The following PDE1C variants were observed in gnomAD, a reference collection of about 807,000 sequenced individuals.
The protein encoded by PDE1C is dual specificity calcium/calmodulin-dependent 3',5'-cyclic nucleotide phosphodiesterase 1C.
A neutral mutation model predicts 93.1 loss-of-function variants in PDE1C; 62 were observed. The observed-to-expected ratio is 0.67, with a 90% CI of 0.54 to 0.82. The LOEUF (loss-of-function observed/expected upper bound fraction) is 0.82, where lower values mean the gene tolerates loss of function less well. PDE1C is among the 40% of genes least tolerant of loss of function. PDE1C has a pLI of 0.00. For missense variants in PDE1C, 742 were observed against 884.6 expected (o/e 0.84, Z 2.04); for synonymous variants, 325 against 310.1 (o/e 1.05, Z -0.50).
chr7:31,860,429 C>T (rs563204115), intron 7 of PDE1C, among the ~76,000 whole-genome samples: 97 of 152,286 alleles, frequency 6.4e-4, no homozygotes, highest in African/African-American at 2.3e-3. Flanking sequence ...ACACTTTCAA[C>T]ATTTTTACCC....
intron 17 of PDE1C, among the ~76,000 whole-genome samples, chr7:31,764,185 C>G (rs1029210206): frequency 6.6e-6 from 1 of 152,144 alleles, no homozygotes; most frequent in African/African-American, 2.4e-5. Flanking sequence ...GAGTCTTGAT[C>G]TGTTGCCCAA....
intron 17 of PDE1C, among the ~76,000 whole-genome samples, chr7:31,754,428 C>T (rs1019098576): frequency 6.6e-6 from 1 of 152,190 alleles, no homozygotes; most frequent in Non-Finnish European, 1.5e-5. Flanking sequence ...CATAAAAACC[C>T]ACACATGAAT....
rs1229029311 is a variant in PDE1C at position 31,850,709 on chromosome 7, T to G, written c.783A>C (p.Ile261=). ...NWLTELEIFA[I]IFSAAIHDYE... ...AGTCATGGATGGCAGCTGAGAAGAT[T>G]ATAGCAAAGATCTCCAGCTCCGTCA... Residue 261 remains isoleucine (I), a synonymous_variant, in exon 8 of 18, where the codon ATA becomes ATC. Coordinates refer to ENST00000396191, the MANE Select transcript of PDE1C (RefSeq NM_001191057.4). 6.2e-7 allele frequency: 1 copy of G among 1,613,324 alleles called. No individual in the cohort carries two copies. The highest frequency in any genetic ancestry group is 1.3e-5 in the African/African-American group (1 of 74,966).
upstream of PDE1C, among the ~76,000 whole-genome samples, chr7:32,074,780 G>C (rs1207427969): frequency 1.3e-5 from 2 of 152,214 alleles, no homozygotes; most frequent in Admixed American, 6.5e-5. Flanking sequence ...ATTCCAGAGA[G>C]AGGGCACTGC....
At chr7:31,714,943 T>C in the PDE1C span, among the ~76,000 whole-genome samples, 2 of 152,098 alleles carry the variant, frequency 1.3e-5, no homozygotes, top group Admixed American at 1.3e-4. Flanking sequence ...AGCTTCACTA[T>C]AAGAGGTATG....
chr7:31,984,903 G>C (rs188722165), intron 2 of PDE1C, among the ~76,000 whole-genome samples: 2 of 152,280 alleles, frequency 1.3e-5, no homozygotes, highest in East Asian at 3.9e-4. Context: ...CCCCAGGTTG[G>C]AAATCTAGGA....
intron 2 of PDE1C, among the ~76,000 whole-genome samples, chr7:32,186,801 T>A (rs1803916557): frequency 6.6e-6 from 1 of 152,148 alleles, no homozygotes; most frequent in African/African-American, 2.4e-5. Flanking sequence ...TTGTAACTAT[T>A]TCATGGGCAC....
At chr7:31,961,460 A>G (rs1808955612) in intron 2 of PDE1C, among the ~76,000 whole-genome samples, 1 of 152,146 alleles carries the variant, frequency 6.6e-6, no homozygotes, top group South Asian at 2.1e-4. Context: ...TTTATTTTAT[A>G]TGTAGTATCA....
At chr7:32,176,090 T>G (rs1802966071) in intron 2 of PDE1C, among the ~76,000 whole-genome samples, 1 of 152,246 alleles carries the variant, frequency 6.6e-6, no homozygotes, top group Non-Finnish European at 1.5e-5. Flanking sequence ...TGTACTTGTA[T>G]GAATTTTCAA....
At chr7:31,631,289 C>A in the PDE1C span, among the ~76,000 whole-genome samples, 2 of 152,044 alleles carry the variant, frequency 1.3e-5, no homozygotes, top group Non-Finnish European at 2.9e-5. Context: ...CATATGCGTG[C>A]GTGCACACAC....
chr7:31,855,069 T>TAAAAAA (rs70989615), intron 7 of PDE1C, among the ~76,000 whole-genome samples: 34 of 107,040 alleles, frequency 3.2e-4, no homozygotes, highest in Non-Finnish European at 4.4e-4. Flanking sequence ...TCCCTCTGTC[T>TAAAAAA]AAAAAAAAAA....
intron 1 of PDE1C, among the ~76,000 whole-genome samples, chr7:32,296,617 C>A (rs1812617365): frequency 1.3e-5 from 2 of 152,106 alleles, no homozygotes; most frequent in African/African-American, 2.4e-5. Flanking sequence ...ATCTGCTAGA[C>A]CAACTCTTCT....
At chr7:32,340,226 A>C (rs1783722476) in intron 1 of PDE1C, among the ~76,000 whole-genome samples, 1 of 152,186 alleles carries the variant, frequency 6.6e-6, no homozygotes, top group Admixed American at 6.5e-5. Context: ...TCGATGACTT[A>C]GTCAGGTTGA....
chr7:32,128,902 AACAAATAT>A (rs1364591140), intron 3 of PDE1C, among the ~76,000 whole-genome samples: 39 of 89,966 alleles, frequency 4.3e-4, no homozygotes, highest in African/African-American at 1.6e-3. Flanking sequence ...CTTAAAGTAT[AACAAATAT>A]ATATATATAT....
chr7:31,742,692 GA>G, the PDE1C span, among the ~76,000 whole-genome samples: 1 of 152,160 alleles, frequency 6.6e-6, no homozygotes, highest in African/African-American at 2.4e-5. Context: ...AAATATAGTT[GA>G]GGGGGAGGAC....
chr7:31,632,994 C>G, the PDE1C span, among the ~76,000 whole-genome samples: 1 of 152,050 alleles, frequency 6.6e-6, no homozygotes. Flanking sequence ...TCAAGTGATT[C>G]TCCTGCCTCA....
chr7:32,061,961 A>G (rs1794861924), intron 1 of PDE1C, among the ~76,000 whole-genome samples: 1 of 152,068 alleles, frequency 6.6e-6, no homozygotes, highest in Admixed American at 6.5e-5. Flanking sequence ...TATACACAGA[A>G]TTTTCCTGCT....
chr7:31,665,725 G>T, the PDE1C span, among the ~76,000 whole-genome samples: 1 of 152,128 alleles, frequency 6.6e-6, no homozygotes, highest in Non-Finnish European at 1.5e-5. Flanking sequence ...CCCTTTTGGC[G>T]AATAGCTCAG....
At position 31,929,985 on chromosome 7, in the gene PDE1C, GT is replaced by G. The variant is rs573886847; in HGVS notation, c.129-49126del. On this transcript the variant is annotated intron_variant, in intron 2 of 17. Transcript: ENST00000396191. The stretch of plus-strand genomic sequence containing the variant: ...CCAAAAATCAAGGAATCCAGGAGCT[GT>G]TTTTTTGAAAAGATTAACAAAATAG... 6.1e-3 allele frequency among the ~76,000 whole-genome samples: 936 copies of G among 152,216 alleles called. 11 individuals are homozygous for G. The highest frequency in any genetic ancestry group is 0.021 in the African/African-American group (889 of 41,528).
Sources: gnomAD v4.1 joint callset for allele counts (sites outside exome capture counted in the v4.1 genomes callset) on GRCh38, gnomAD v4.1.1 for gene constraint, MANE v1.5 for transcripts, NCBI Gene and HGNC (gene_info 2026-07-23, HGNC 2026-07-21) for gene names.